SGO2: variants seen among roughly 807,000 people sequenced by gnomAD.
SGO2 encodes the protein shugoshin 2.
SGO2 carries 68 observed loss-of-function variants against 99.5 expected under a neutral mutation model. That is an observed-to-expected ratio of 0.68 (90% CI 0.56 to 0.84). The LOEUF is 0.84. Among genes scored for constraint, SGO2 ranks in the 40% least tolerant of loss-of-function variants. The pLI is 0.00. For synonymous variants in SGO2, 457 were observed against 487.1 expected (o/e 0.94, Z 0.81); for missense variants, 1,350 against 1,436.7 (o/e 0.94, Z 0.97).
At chr2:200,540,439 C>T (rs985051548) in intron 4 of SGO2, among the ~76,000 whole-genome samples, 1 of 152,186 alleles carries the variant, frequency 6.6e-6, no homozygotes. Flanking sequence ...CTGTTGACAA[C>T]ACTGTGGTGG....
At chr2:200,565,920 A>G (rs1467051624) in intron 5 of SGO2, among the ~76,000 whole-genome samples, 5 of 152,288 alleles carry the variant, frequency 3.3e-5, no homozygotes, top group African/African-American at 4.8e-5. Context: ...CCATCAGGTC[A>G]TTTAAGGTCT....
rs200890158 is a variant in SGO2, at chr2:200,572,861, G to C, written c.2515G>C (p.Asp839His). Residue 839 changes from aspartate (D) to histidine (H), a missense_variant, in exon 7 of 9, where the codon GAT becomes CAT. Transcript: ENST00000357799. ...DNKGVHDLEK[D>H]NFFSLTPKDK... Reference sequence around the variant, plus strand: ...CAAAGGTGTACATGACCTAGAAAAAGATAACTTCTTCTCTCTAACCCCAAA... The same window carrying C: ...CAAAGGTGTACATGACCTAGAAAAACATAACTTCTTCTCTCTAACCCCAAA... 4.5e-5 allele frequency: 72 copies of C among 1,595,612 alleles called. No individual in the cohort carries two copies. Among genetic ancestry groups the C allele is most frequent in the Non-Finnish European group, 6.0e-5 (70 of 1,174,710 alleles).
At chr2:200,532,522 A>G (rs924291308) in intron 1 of SGO2, among the ~76,000 whole-genome samples, 2 of 151,976 alleles carry the variant, frequency 1.3e-5, no homozygotes, top group African/African-American at 4.8e-5. Context: ...CTGTTTCCAT[A>G]ATAGGCCATA....
intron 8 of SGO2, among the ~76,000 whole-genome samples, chr2:200,577,305 C>T (rs1317134596): frequency 6.6e-6 from 1 of 152,120 alleles, no homozygotes; most frequent in African/African-American, 2.4e-5. Flanking sequence ...TTTTCATGTG[C>T]TTACTGGCCA....
chr2:200,532,531 T>C (rs13392871), intron 1 of SGO2, among the ~76,000 whole-genome samples: 2,421 of 152,222 alleles, frequency 0.016, 78 homozygotes, highest in African/African-American at 0.055. Context: ...TAATAGGCCA[T>C]AAATCTAATA....
Position 200,573,126 on chromosome 2 carries a change from A to G in SGO2, c.2780A>G (p.Asn927Ser). ...GAAATGAACCAGATATATGAGGATA[A>G]TGATAAAGATGCACATGTCCAAGAA... Reference protein sequence around the residue: ...ISEMNQIYEDNDKDAHVQESY... With the variant: ...ISEMNQIYEDSDKDAHVQESY... Residue 927 changes from asparagine to serine, a missense_variant, in exon 7 of 9, where the codon AAT becomes AGT. Coordinates refer to ENST00000357799, the MANE Select transcript of SGO2 (RefSeq NM_152524.6). The G allele has an allele frequency of 6.3e-7, 1 of 1,591,568 alleles. No homozygotes were observed. The highest frequency in any genetic ancestry group is 8.5e-7 in the Non-Finnish European group (1 of 1,174,204).
In SGO2 at chr2:200,529,573, A is replaced by T. The variant is rs1212675192; in HGVS notation, c.-3+3321A>T. ...AGTCTCACTCTGTCACCCAGGCTGGAGTGCCATGGTTTGATCTCACTCAGC... is the reference window on the plus strand; with the variant it reads ...AGTCTCACTCTGTCACCCAGGCTGGTGTGCCATGGTTTGATCTCACTCAGC... On this transcript the variant is annotated intron_variant, in intron 1 of 8. Coordinates refer to ENST00000357799, the MANE Select transcript of SGO2 (RefSeq NM_152524.6). Among the ~76,000 whole-genome samples, 4 of 152,272 alleles carry T rather than the reference A, an allele frequency of 2.6e-5. No homozygotes were observed. The East Asian group carries it at 7.7e-4, about 29-fold the overall frequency.
At chr2:200,577,929 C>A (rs2033717665) in intron 8 of SGO2, among the ~76,000 whole-genome samples, 1 of 152,104 alleles carries the variant, frequency 6.6e-6, no homozygotes. Context: ...GGTTTTTTAA[C>A]TGTGAAGTCA....
chr2:200,540,615 A>G (rs1301131063), intron 4 of SGO2, among the ~76,000 whole-genome samples: 2 of 152,246 alleles, frequency 1.3e-5, no homozygotes, highest in Non-Finnish European at 2.9e-5. Flanking sequence ...CTAGTTCTTT[A>G]TTAAACCACT....
chr2:200,557,710 A>G (rs1200482650), intron 5 of SGO2, among the ~76,000 whole-genome samples: 1 of 152,126 alleles, frequency 6.6e-6, no homozygotes, highest in Admixed American at 6.5e-5. Flanking sequence ...TGACCTTGCT[A>G]TTCTAATAGT....
rs566416381 is a variant in SGO2, at chr2:200,566,731, C to T, written c.474-2932C>T. ...AGGGTGCTCCACCGGCTTCAAGCTTCCTAGCCGCTTTGTTTACCTACTCAA... is the reference window on the plus strand; with the variant it reads ...AGGGTGCTCCACCGGCTTCAAGCTTTCTAGCCGCTTTGTTTACCTACTCAA... On this transcript the variant is annotated intron_variant, in intron 5 of 8. Transcript: ENST00000357799. Among the ~76,000 whole-genome samples the T allele has an allele frequency of 2.6e-5, 4 of 152,358 alleles. No homozygotes were observed. The East Asian group carries it at 7.7e-4, about 29-fold the overall frequency.
intron 8 of SGO2, among the ~76,000 whole-genome samples, chr2:200,582,002 G>T (rs1339186519): frequency 6.6e-6 from 1 of 151,988 alleles, no homozygotes; most frequent in Non-Finnish European, 1.5e-5. Flanking sequence ...TTTTAAATTT[G>T]GGACCATGTC....
rs769507100 is a variant in SGO2 at position 200,583,484 on chromosome 2, G to A, written c.*20G>A. On this transcript the variant is annotated 3_prime_UTR_variant, in exon 9 of 9. Transcript: ENST00000357799. ...AGATGAAGTGAATTTATGGATTCTG[G>A]TTTTTCTGAATTTTCAAAGCATAAG... The A allele has an allele frequency of 3.5e-5, 55 of 1,577,788 alleles. No homozygotes were observed. The highest frequency in any genetic ancestry group is 4.5e-5 in the Non-Finnish European group (52 of 1,164,236).
At chr2:200,562,989 A>G (rs961064136) in intron 5 of SGO2, among the ~76,000 whole-genome samples, 3 of 152,216 alleles carry the variant, frequency 2.0e-5, no homozygotes, top group Non-Finnish European at 2.9e-5. Context: ...TAAATATACA[A>G]TCATGTCATC....
intron 1 of SGO2, among the ~76,000 whole-genome samples, chr2:200,529,409 G>T (rs2031255078): frequency 6.6e-6 from 1 of 152,204 alleles, no homozygotes; most frequent in Admixed American, 6.5e-5. Flanking sequence ...TGACCTCCTA[G>T]AATTTAAATT....
chr2:200,533,924 T>C (rs772109139), intron 2 of SGO2, among the ~76,000 whole-genome samples: 1 of 152,142 alleles, frequency 6.6e-6, no homozygotes, highest in African/African-American at 2.4e-5. Flanking sequence ...ACACCCCCTG[T>C]TATGAAGGAA....
intron 8 of SGO2, 92 bp from the exon 9 acceptor site, chr2:200,583,357 C>T: frequency 9.5e-7 from 1 of 1,049,524 alleles, no homozygotes; most frequent in Non-Finnish European, 1.4e-6. Context: ...TTCTTTTCTA[C>T]TGATATGATG....
chr2:200,572,134 C>G lies in SGO2; in HGVS notation c.1788C>G (p.Val596=), dbSNP rs375565367. 6.2e-7 allele frequency: 1 copy of G among 1,612,618 alleles called. No individual in the cohort carries two copies. The change falls in exon 7 of 9, where the codon GTC becomes GTG. Residue 596 remains valine (V), a synonymous_variant. Transcript: ENST00000357799. The part of the protein sequence containing the change: ...THNILDLKKY[V]TDIQPSEQNE... ...ATATATTGGATTTGAAAAAGTATGTCACTGATATTCAACCCTCAGAGCAAA... is the reference window on the plus strand; with the variant it reads ...ATATATTGGATTTGAAAAAGTATGTGACTGATATTCAACCCTCAGAGCAAA...
At chr2:200,566,552 CA>C (rs1439994530) in intron 5 of SGO2, among the ~76,000 whole-genome samples, 1 of 152,216 alleles carries the variant, frequency 6.6e-6, no homozygotes, top group Non-Finnish European at 1.5e-5. Context: ...TGTCCATTCT[CA>C]GATCTCAAAC....
Sources: allele counts gnomAD v4.1 joint callset (sites outside exome capture counted in the v4.1 genomes callset), GRCh38; gene constraint gnomAD v4.1.1; transcripts MANE v1.5; gene names NCBI Gene and HGNC (gene_info 2026-07-23, HGNC 2026-07-21).